The following PPA1 variants were observed in gnomAD, a reference collection of about 807,000 sequenced individuals.
PPA1 encodes inorganic pyrophosphatase.
A neutral mutation model predicts 41.8 loss-of-function variants in PPA1; 23 were observed. The ratio of observed to expected loss-of-function variants is 0.55; its 90% confidence interval spans 0.40 to 0.78. The LOEUF (loss-of-function observed/expected upper bound fraction) is 0.78. Ranked by LOEUF, PPA1 falls within the 30% of genes least tolerant of loss-of-function variation. The probability of loss-of-function intolerance (pLI) is 0.00; values close to 1 mark genes in which losing one functional copy is unlikely to be tolerated. For missense variants in PPA1, 320 were observed against 361.6 expected, an observed-to-expected ratio of 0.89 and a Z score of 0.93; for synonymous variants, 101 against 116.8, an observed-to-expected ratio of 0.86 and a Z score of 0.87.
At chr10:70,209,743 G>A in intron 6 of PPA1, 58 bp from the exon 7 acceptor site, 1 of 1,502,488 alleles carries the variant, frequency 6.7e-7, no homozygotes, top group Non-Finnish European at 9.1e-7. Flanking sequence ...AAAGAAAGAA[G>A]AGAATAAGCA....
intron 2 of PPA1, among the ~76,000 whole-genome samples, chr10:70,221,031 T>TAG (rs1840154458): frequency 1.3e-5 from 1 of 76,484 alleles, no homozygotes; most frequent in Non-Finnish European, 2.2e-5. Context: ...ATATATAATA[T>TAG]ATATATAAAT....
intron 1 of PPA1, among the ~76,000 whole-genome samples, chr10:70,232,710 G>A (rs1309858295): frequency 2.0e-5 from 3 of 152,124 alleles, no homozygotes; most frequent in African/African-American, 2.4e-5. Context: ...ACCGGGCCGC[G>A]GAGGACCGGT....
chr10:70,224,246 C>CAAA (rs58480019), intron 2 of PPA1, among the ~76,000 whole-genome samples: 12 of 69,446 alleles, frequency 1.7e-4, no homozygotes, highest in African/African-American at 4.9e-4. Context: ...CCTGTCTCTA[C>CAAA]AAAAAAAAAA....
In PPA1 at chr10:70,217,823, C is replaced by A; in HGVS notation, c.286G>T (p.Ala96Ser). The change falls in exon 4 of 11, where the codon GCC becomes TCC. Residue 96 changes from alanine to serine, a missense_variant. Transcript: ENST00000373232. ...GCATGAAGACATACCTGAGGGATGG[C>A]ACCATAGTTCCAGATATATCCTTTA... is the stretch of plus-strand genomic sequence containing the variant. ...PYKGYIWNYG[A>S]IPQTWEDPGH... The A allele has an allele frequency of 6.4e-7, 1 of 1,573,870 alleles. No homozygotes were observed. Among genetic ancestry groups the A allele is most frequent in the South Asian group, 1.2e-5 (1 of 84,310 alleles).
intron 8 of PPA1, among the ~76,000 whole-genome samples, chr10:70,208,444 T>C (rs930513303): frequency 2.0e-4 from 30 of 151,764 alleles, no homozygotes; most frequent in African/African-American, 6.8e-4. Flanking sequence ...GCTCAAGTGA[T>C]CTTCCCACCT....
intron 8 of PPA1, among the ~76,000 whole-genome samples, chr10:70,206,838 G>A (rs538841165): frequency 2.9e-4 from 37 of 127,956 alleles, no homozygotes; most frequent in African/African-American, 9.8e-4. Context: ...GCAAGACTGC[G>A]TTGCAATAAG....
chr10:70,211,848 G>C (rs577875334), intron 6 of PPA1, among the ~76,000 whole-genome samples: 1 of 152,334 alleles, frequency 6.6e-6, no homozygotes, highest in Non-Finnish European at 1.5e-5. Flanking sequence ...GTACTACCAA[G>C]TAGTGAACAG....
intron 6 of PPA1, chr10:70,210,400 G>A (rs1564581323): frequency 7.3e-7 from 1 of 1,365,066 alleles, no homozygotes. Context: ...TATGTCAGAG[G>A]ATCACAACAC....
intron 9 of PPA1, 91 bp from the exon 10 acceptor site, chr10:70,205,006 G>T: frequency 2.1e-6 from 2 of 940,456 alleles, no homozygotes; most frequent in Non-Finnish European, 3.2e-6. Context: ...AGAATCTGAA[G>T]ACTATCCCAA....
chr10:70,232,910 T>C (rs1840304473), intron 1 of PPA1, among the ~76,000 whole-genome samples: 1 of 151,250 alleles, frequency 6.6e-6, no homozygotes, highest in Admixed American at 6.6e-5. Flanking sequence ...CTTACGGGAA[T>C]TATGTTACTT....
chr10:70,217,988 A>G, intron 3 of PPA1, 57 bp from the exon 4 acceptor site: 2 of 1,411,914 alleles, frequency 1.4e-6, no homozygotes, highest in East Asian at 2.4e-5. Context: ...CTATTCAAAT[A>G]AGGATCTGAG....
At chr10:70,221,076 A>ATATATATATATATATTTTTT (rs1224550178) in intron 2 of PPA1, among the ~76,000 whole-genome samples, 1 of 40,050 alleles carries the variant, frequency 2.5e-5, no homozygotes, top group African/African-American at 2.0e-4. Context: ...ATATATATAT[A>ATATATATATATATATTTTTT]TTTTTTTTTT....
intron 1 of PPA1, among the ~76,000 whole-genome samples, chr10:70,231,585 C>A (rs965462944): frequency 2.0e-5 from 3 of 152,184 alleles, no homozygotes; most frequent in African/African-American, 7.2e-5. Flanking sequence ...AACAATAAAA[C>A]ATAAAAGTCC....
At chr10:70,222,578 G>T (rs985928597) in intron 2 of PPA1, among the ~76,000 whole-genome samples, 11 of 152,114 alleles carry the variant, frequency 7.2e-5, no homozygotes, top group Non-Finnish European at 1.6e-4. Context: ...TGGTTCAGGG[G>T]TAGAATTCTC....
chr10:70,214,488 A>C lies in PPA1; in HGVS notation c.384+12T>G. ...TCTCAACACTAAAGAAAAAAATGTC[A>C]CATTTCATTACCTTGCTTCCAATTT... On this transcript the variant is annotated intron_variant, in intron 5 of 10. Coordinates refer to ENST00000373232, the MANE Select transcript of PPA1 (RefSeq NM_021129.4). The C allele has an allele frequency of 6.2e-7, 1 of 1,603,954 alleles. No homozygotes were observed. The highest frequency in any genetic ancestry group is 8.5e-7 in the Non-Finnish European group (1 of 1,173,752).
At chr10:70,212,392 T>C (rs1446696109) in intron 6 of PPA1, among the ~76,000 whole-genome samples, 1 of 152,222 alleles carries the variant, frequency 6.6e-6, no homozygotes, top group Non-Finnish European at 1.5e-5. Context: ...TGTACAGGAA[T>C]GTTCATGGCA....
intron 4 of PPA1, 102 bp downstream of exon 4, chr10:70,217,710 G>T: frequency 9.4e-7 from 1 of 1,067,264 alleles, no homozygotes; most frequent in Non-Finnish European, 1.3e-6. Context: ...ATCTACCATA[G>T]AAAAAACTCT....
At chr10:70,232,192 C>A (rs1040356655) in intron 1 of PPA1, among the ~76,000 whole-genome samples, 3 of 152,148 alleles carry the variant, frequency 2.0e-5, no homozygotes, top group Admixed American at 1.3e-4. Context: ...ACTTTTTGTT[C>A]CTTCAATGCC....
At chr10:70,229,998 T>C (rs992712091) in intron 2 of PPA1, among the ~76,000 whole-genome samples, 2 of 152,116 alleles carry the variant, frequency 1.3e-5, no homozygotes, top group Non-Finnish European at 2.9e-5. Context: ...AACCTCTGCC[T>C]CCCAGGCACA....
Sources: gnomAD v4.1 joint callset for allele counts (sites outside exome capture counted in the v4.1 genomes callset) on GRCh38, gnomAD v4.1.1 for gene constraint, MANE v1.5 for transcripts, NCBI Gene and HGNC (gene_info 2026-07-23, HGNC 2026-07-21) for gene names.